The following CLYBL variants were observed in gnomAD, a reference collection of about 807,000 sequenced individuals.
CLYBL encodes the protein citramalyl-CoA lyase, also known as citramalyl-CoA lyase, mitochondrial.
A neutral mutation model predicts 38.9 loss-of-function variants in CLYBL; 31 were observed. The ratio of observed to expected loss-of-function variants is 0.80; its 90% CI spans 0.60 to 1.08. The LOEUF (loss-of-function observed/expected upper bound fraction) is 1.08. Among genes scored for constraint, CLYBL ranks in the 50% least tolerant of loss-of-function variants. CLYBL has a pLI of 0.00. For missense variants in CLYBL, 434 were observed against 411.6 expected (o/e 1.05, Z -0.47); for synonymous variants, 171 against 158.6 (o/e 1.08, Z -0.59).
chr13:99,890,997 A>T (rs1218763246), intron 7 of CLYBL, among the ~76,000 whole-genome samples: 1 of 152,142 alleles, frequency 6.6e-6, no homozygotes, highest in Admixed American at 6.6e-5. Context: ...ATATTTCAAA[A>T]ATATATAGGG....
intron 1 of CLYBL, among the ~76,000 whole-genome samples, chr13:99,717,048 C>G (rs1417586006): frequency 6.6e-6 from 1 of 151,914 alleles, no homozygotes; most frequent in Admixed American, 6.6e-5. Flanking sequence ...ACCTTGGCCT[C>G]GCAAAGAGCT....
downstream of CLYBL, among the ~76,000 whole-genome samples, chr13:99,900,173 C>T (rs183569955): frequency 2.1e-5 from 3 of 145,458 alleles, no homozygotes; most frequent in East Asian, 2.0e-4. Flanking sequence ...GTGATCCACC[C>T]GCCTCGGCCT....
intron 1 of CLYBL, among the ~76,000 whole-genome samples, chr13:99,677,067 C>G (rs2047664263): frequency 2.0e-5 from 3 of 151,664 alleles, no homozygotes; most frequent in African/African-American, 7.3e-5. Flanking sequence ...CCTGTGTCAG[C>G]CATAATTACT....
intron 9 of CLYBL, among the ~76,000 whole-genome samples, chr13:99,907,598 C>G (rs549664139): frequency 1.3e-5 from 2 of 151,994 alleles, no homozygotes; most frequent in Non-Finnish European, 2.9e-5. Flanking sequence ...TGGGTCACAC[C>G]TGTAATCCCA....
chr13:99,871,260 A>G lies in CLYBL; in HGVS notation c.927+198A>G, dbSNP rs190537403. ...TGCCCATGTTCCTAAATACTTCACT[A>G]ACTGGCTCTCAAGTCCCTCATTTTA... is the stretch of plus-strand genomic sequence containing the variant. On this transcript the variant is annotated intron_variant, in intron 7 of 8. Coordinates refer to ENST00000339105, the MANE Select transcript of CLYBL (RefSeq NM_206808.5). 2.2e-4 allele frequency among the ~76,000 whole-genome samples: 34 copies of G among 152,326 alleles called. 1 individual carries two copies. The highest frequency in any genetic ancestry group is 2.2e-3 in the Admixed American group (34 of 15,304).
chr13:99,659,826 AATTG>A (rs895181548), intron 1 of CLYBL, among the ~76,000 whole-genome samples: 1 of 152,192 alleles, frequency 6.6e-6, no homozygotes, highest in Non-Finnish European at 1.5e-5. Flanking sequence ...CGGCATAAAT[AATTG>A]ATATGTGGAA....
At chr13:99,775,666 ACCCAG>A (rs2049497090) in intron 2 of CLYBL, among the ~76,000 whole-genome samples, 1 of 151,912 alleles carries the variant, frequency 6.6e-6, no homozygotes. Flanking sequence ...CTACCACCAT[ACCCAG>A]CTAATTGTTT....
chr13:99,843,185 G>A (rs1282524898), intron 2 of CLYBL, among the ~76,000 whole-genome samples: 1 of 152,156 alleles, frequency 6.6e-6, no homozygotes, highest in African/African-American at 2.4e-5. Flanking sequence ...GCCTCAGTGA[G>A]CAGGTAATTT....
At chr13:99,741,593 C>T (rs1040959016) in intron 1 of CLYBL, among the ~76,000 whole-genome samples, 8 of 152,194 alleles carry the variant, frequency 5.3e-5, no homozygotes, top group Non-Finnish European at 1.0e-4. Context: ...ACTCCGCCGC[C>T]CAGACAAGAG....
intron 8 of CLYBL, among the ~76,000 whole-genome samples, chr13:99,902,914 A>C (rs1049891751): frequency 6.6e-5 from 10 of 152,206 alleles, no homozygotes; most frequent in Non-Finnish European, 1.5e-4. Context: ...ACTTTTTTCA[A>C]AACTTTCAAA....
At chr13:99,836,862 G>A (rs375042452) in intron 2 of CLYBL, among the ~76,000 whole-genome samples, 4 of 152,004 alleles carry the variant, frequency 2.6e-5, no homozygotes, top group East Asian at 3.9e-4. Context: ...AACACAGGAA[G>A]GGGAACATCA....
chr13:99,668,644 G>A (rs2047519154), intron 1 of CLYBL, among the ~76,000 whole-genome samples: 1 of 151,962 alleles, frequency 6.6e-6, no homozygotes, highest in African/African-American at 2.4e-5. Context: ...ATGTATTTTG[G>A]TAGATAGAAG....
At chr13:99,706,734 C>G (rs368865082) in intron 1 of CLYBL, among the ~76,000 whole-genome samples, 1 of 152,196 alleles carries the variant, frequency 6.6e-6, no homozygotes, top group Admixed American at 6.5e-5. Context: ...CTTCTTCAGC[C>G]GAGCTCCAGA....
intron 2 of CLYBL, among the ~76,000 whole-genome samples, chr13:99,808,716 C>T (rs74919563): frequency 0.013 from 1,908 of 152,264 alleles, 25 homozygotes; most frequent in East Asian, 0.073. Context: ...AGAATGATAA[C>T]ATTGGAGGTG....
At chr13:99,698,946 A>G (rs543072738) in intron 1 of CLYBL, among the ~76,000 whole-genome samples, 1 of 152,362 alleles carries the variant, frequency 6.6e-6, no homozygotes, top group African/African-American at 2.4e-5. Flanking sequence ...GTGTTGACAT[A>G]TATTCAGATT....
chr13:99,901,819 C>T (rs1243973905), downstream of CLYBL, among the ~76,000 whole-genome samples: 2 of 152,010 alleles, frequency 1.3e-5, no homozygotes, highest in Non-Finnish European at 2.9e-5. Flanking sequence ...GCCACCATGC[C>T]TGGCTAATTT....
At chr13:99,620,791 A>G (rs1342502611) in intron 1 of CLYBL, among the ~76,000 whole-genome samples, 10 of 146,378 alleles carry the variant, frequency 6.8e-5, no homozygotes, top group Non-Finnish European at 7.6e-5. Flanking sequence ...AGAAAGAAAG[A>G]AAAAGAGAGA....
At chr13:99,903,704 C>T (rs972341117) in intron 8 of CLYBL, among the ~76,000 whole-genome samples, 1 of 152,160 alleles carries the variant, frequency 6.6e-6, no homozygotes, top group Non-Finnish European at 1.5e-5. Context: ...CCGTGAGGTT[C>T]GCGTCCCGTA....
chr13:99,712,964 G>A (rs773232671), intron 1 of CLYBL, among the ~76,000 whole-genome samples: 7 of 152,100 alleles, frequency 4.6e-5, no homozygotes, highest in African/African-American at 9.7e-5. Context: ...GTGAAAAGAG[G>A]GTTCGTGAAA....
Sources: gnomAD v4.1 joint callset for allele counts (sites outside exome capture counted in the v4.1 genomes callset) on GRCh38, gnomAD v4.1.1 for gene constraint, MANE v1.5 for transcripts, NCBI Gene and HGNC (gene_info 2026-07-23, HGNC 2026-07-21) for gene names.